ARFGAP3: variants seen among roughly 807,000 people sequenced by gnomAD.
The protein encoded by ARFGAP3 is ARF GTPase activating protein 3.
ARFGAP3 carries 72 observed loss-of-function variants against 75.0 expected under a neutral mutation model. The observed-to-expected ratio is 0.96, with a 90% CI of 0.79 to 1.17. The LOEUF (loss-of-function observed/expected upper bound fraction) is 1.17, where lower values mean the gene tolerates loss of function less well. Among genes scored for constraint, ARFGAP3 ranks in the 50% most tolerant of loss-of-function variants. ARFGAP3 has a pLI of 0.00. For synonymous variants in ARFGAP3, 221 were observed against 217.9 expected (o/e 1.01, Z -0.13); for missense variants, 620 against 626.6 (o/e 0.99, Z 0.11).
intron 1 of ARFGAP3, among the ~76,000 whole-genome samples, chr22:42,849,714 C>A (rs139137469): frequency 6.6e-6 from 1 of 152,000 alleles, no homozygotes; most frequent in Non-Finnish European, 1.5e-5. Context: ...GTGTATGCCA[C>A]CGTGCCCAGA....
intron 6 of ARFGAP3, among the ~76,000 whole-genome samples, chr22:42,827,520 C>T (rs13056231): frequency 0.042 from 6,359 of 152,284 alleles, 219 homozygotes; most frequent in Middle Eastern, 0.065. Flanking sequence ...GCATGCGCCA[C>T]CATGCCCGGC....
chr22:42,847,857 T>TA, intron 1 of ARFGAP3: 1 of 172,654 alleles, frequency 5.8e-6, no homozygotes. Flanking sequence ...TATAGTTAAT[T>TA]ACTATATTAT....
At chr22:42,835,234 A>T in intron 4 of ARFGAP3, 128 bp downstream of exon 4, 1 of 1,039,556 alleles carries the variant, frequency 9.6e-7, no homozygotes. Context: ...CAATAGTAAG[A>T]ATCTACTGTA....
rs530775279 is a variant in ARFGAP3 at position 42,852,311 on chromosome 22, G to A, written c.70-4679C>T. 5.9e-5 allele frequency among the ~76,000 whole-genome samples: 9 copies of A among 151,760 alleles called. No individual in the cohort carries two copies. In the East Asian group the frequency reaches 1.5e-3, roughly 26 times the overall value. On this transcript the variant is annotated intron_variant, in intron 1 of 15. Coordinates refer to ENST00000263245, the MANE Select transcript of ARFGAP3 (RefSeq NM_014570.5). ...TGAGCTCAAGCTATTCATCTGCCTC[G>A]GCCTCCCAAAGTGCTGGGATTACAG... is the stretch of plus-strand genomic sequence containing the variant.
At chr22:42,845,565 A>C (rs1193721545) in intron 2 of ARFGAP3, among the ~76,000 whole-genome samples, 1 of 151,674 alleles carries the variant, frequency 6.6e-6, no homozygotes, top group African/African-American at 2.4e-5. Context: ...AACAAAAAAA[A>C]ACCCCAAGTT....
At position 42,834,312 on chromosome 22, in the gene ARFGAP3, C is replaced by A; in HGVS notation, c.407G>T (p.Ser136Ile). The A allele has an allele frequency of 6.2e-7, 1 of 1,613,738 alleles. No homozygotes were observed. Among genetic ancestry groups the A allele is most frequent in the Non-Finnish European group, 8.5e-7 (1 of 1,179,964 alleles). Residue 136 changes from serine to isoleucine, a missense_variant, in exon 5 of 16, where the codon AGT becomes ATT. By Grantham distance (142) the Ser-to-Ile change is moderately radical (BLOSUM62 -2). Transcript: ENST00000263245. Reference protein sequence around the residue: ...RKHGTDLWLDSCVVPPLSPPP... With the variant: ...RKHGTDLWLDICVVPPLSPPP... ...AGGGGACAAAGGTGGAACCACACAA[C>A]TATCAAGCCACAGCTAGAACAAAAA...
chr22:42,831,741 G>A (rs985643136), intron 5 of ARFGAP3, 105 bp from the exon 6 acceptor site: 4 of 1,548,294 alleles, frequency 2.6e-6, no homozygotes, highest in Non-Finnish European at 3.5e-6. Context: ...GCCACATTCT[G>A]AGTCCCTGTT....
At chr22:42,826,843 C>T (rs747676601) in intron 7 of ARFGAP3, 97 bp downstream of exon 7, 27 of 905,828 alleles carry the variant, frequency 3.0e-5, no homozygotes, top group Non-Finnish European at 3.9e-5. Flanking sequence ...TATATTACTC[C>T]GTCAGGTGAG....
Position 42,823,649 on chromosome 22 carries a change from T to C in ARFGAP3, c.672+7A>G. The C allele has an allele frequency of 1.3e-6, 2 of 1,554,456 alleles. No homozygotes were observed. Among genetic ancestry groups the C allele is most frequent in the South Asian group, 1.2e-5 (1 of 83,732 alleles). Reference sequence around the variant, plus strand: ...AGATTTTTATATATAAAGTACATAATACTCACGCCTTTTTTAGCTTGATTT... The same window carrying C: ...AGATTTTTATATATAAAGTACATAACACTCACGCCTTTTTTAGCTTGATTT... On this transcript the variant is annotated splice_region_variant and intron_variant, in intron 8 of 15. Coordinates refer to ENST00000263245, the MANE Select transcript of ARFGAP3 (RefSeq NM_014570.5).
intron 2 of ARFGAP3, 99 bp downstream of exon 2, chr22:42,847,415 A>G: frequency 1.9e-6 from 2 of 1,046,300 alleles, no homozygotes; most frequent in Non-Finnish European, 2.9e-6. Flanking sequence ...ACAGGCGACA[A>G]GGCAAGACAC....
At chr22:42,849,614 A>G in intron 1 of ARFGAP3, among the ~76,000 whole-genome samples, 1 of 137,772 alleles carries the variant, frequency 7.3e-6, no homozygotes, top group Non-Finnish European at 1.5e-5. Context: ...CCTAGGTTGG[A>G]GTGCAGTGGC....
At position 42,823,861 on chromosome 22, in the gene ARFGAP3, T is replaced by C. The variant is rs574324812; in HGVS notation, c.626-159A>G. 12 of 645,328 alleles carry C rather than the reference T, an allele frequency of 1.9e-5. No homozygotes were observed. The African/African-American group carries it at 2.4e-4, about 13-fold the overall frequency. The allele number at this position is 645,328 out of a possible 1,614,324, so 40.0% of individuals were successfully genotyped here. A position where few individuals can be genotyped will look rare whatever the true frequency, so the allele number is the denominator to read the frequency against. On this transcript the variant is annotated intron_variant, in intron 7 of 15. Transcript: ENST00000263245. The stretch of plus-strand genomic sequence containing the variant: ...CAGAAGACTCAAGTTGATAAGCATA[T>C]TTTGGATTAACAGAACTTTGTCAAA...
At chr22:42,829,627 T>C (rs1602113362) in intron 6 of ARFGAP3, among the ~76,000 whole-genome samples, 2 of 152,276 alleles carry the variant, frequency 1.3e-5, no homozygotes, top group East Asian at 3.9e-4. Context: ...AACAAGCCGT[T>C]TTTGTCTACA....
chr22:42,831,868 G>GC, intron 5 of ARFGAP3: 1 of 400,758 alleles, frequency 2.5e-6, no homozygotes, highest in Non-Finnish European at 3.4e-6. Context: ...CTGGAGCCTT[G>GC]ACCTCCCAGG....
rs1409180396 is a variant in ARFGAP3 at position 42,838,286 on chromosome 22, A to AT, written c.261+2657dup. Reference sequence around the variant, plus strand: ...TATATACACACACACATATATATATATATATTTTTTTTTTCTTTTTTTTTT... The same window carrying AT: ...TATATACACACACACATATATATATATTATATTTTTTTTTTCTTTTTTTTTT... On this transcript the variant is annotated intron_variant, in intron 3 of 15. Transcript: ENST00000263245. Among the ~76,000 whole-genome samples, 767 of 128,102 alleles carry AT rather than the reference A, an allele frequency of 6.0e-3. 8 individuals are homozygous for AT. The highest frequency in any genetic ancestry group is 0.024 in the African/African-American group (727 of 29,922). The allele number at this position is 128,102 out of a possible 152,430, so 84.0% of individuals were successfully genotyped here.
chr22:42,822,971 G>A (rs111706778), intron 8 of ARFGAP3, among the ~76,000 whole-genome samples: 5 of 151,954 alleles, frequency 3.3e-5, no homozygotes, highest in African/African-American at 9.6e-5. Flanking sequence ...CACCAAATCC[G>A]GCTACTTTTT....
chr22:42,848,833 C>CT (rs1227991988), intron 1 of ARFGAP3, among the ~76,000 whole-genome samples: 1 of 152,226 alleles, frequency 6.6e-6, no homozygotes, highest in African/African-American at 2.4e-5. Flanking sequence ...ACCACCCTCA[C>CT]TTTACCAAGG....
At chr22:42,844,969 C>A (rs7293010) in intron 2 of ARFGAP3, among the ~76,000 whole-genome samples, 7,398 of 152,284 alleles carry the variant, frequency 0.049, 290 homozygotes, top group African/African-American at 0.11. Context: ...TGTACTGCCC[C>A]TCAGGCTCTA....
At position 42,847,611 on chromosome 22, in the gene ARFGAP3, T is replaced by C. The variant is rs374278949; in HGVS notation, c.91A>G (p.Lys31Glu). The C allele has an allele frequency of 2.8e-5, 45 of 1,612,814 alleles. No individual in the cohort carries two copies. Among genetic ancestry groups the C allele is most frequent in the Admixed American group, 3.4e-5 (2 of 59,692 alleles). ...TNKVCFDCGA[K>E]NPSWASITYG... is the part of the protein sequence containing the mutation. The stretch of plus-strand genomic sequence containing the variant: ...GTTATGCTTGCCCAGCTGGGATTTT[T>C]GGCACCACAATCAAAACACACCTGA... Residue 31 changes from lysine (K) to glutamate (E), a missense_variant, in exon 2 of 16, where the codon AAA (lysine) becomes GAA (glutamate). Coordinates refer to ENST00000263245, the MANE Select transcript of ARFGAP3 (RefSeq NM_014570.5).
Sources: allele counts gnomAD v4.1 joint callset (sites outside exome capture counted in the v4.1 genomes callset), GRCh38; gene constraint gnomAD v4.1.1; transcripts MANE v1.5; gene names NCBI Gene and HGNC (gene_info 2026-07-23, HGNC 2026-07-21).